The following ATP5F1E variants were observed in gnomAD, a reference collection of about 807,000 sequenced individuals.
ATP5F1E encodes the protein ATP synthase F1 subunit epsilon.
ATP5F1E carries 5 observed loss-of-function variants against 7.0 expected under a neutral mutation model. The observed-to-expected ratio is 0.71, with a 90% CI of 0.37 to 1.49. ATP5F1E has a LOEUF of 1.49. ATP5F1E is among the 40% of genes most tolerant of loss of function. The pLI, the probability that ATP5F1E is intolerant of heterozygous loss-of-function variation, is 0.03. For missense variants in ATP5F1E, 59 were observed against 57.1 expected (o/e 1.03, Z -0.11); for synonymous variants, 20 against 20.1 (o/e 0.99, Z 0.02).
intron 1 of ATP5F1E, among the ~76,000 whole-genome samples, chr20:59,031,152 AATTT>A (rs2092025485): frequency 6.6e-6 from 1 of 152,174 alleles, no homozygotes; most frequent in Admixed American, 6.5e-5. Context: ...CATGTTTTAG[AATTT>A]ATTTTGGGGA....
chr20:59,030,492 T>C, intron 1 of ATP5F1E, 63 bp from the exon 2 acceptor site: 2 of 1,598,296 alleles, frequency 1.3e-6, no homozygotes, highest in Admixed American at 1.7e-5. Context: ...CAGCTGTTAC[T>C]GTGTTTTCGC....
chr20:59,031,192 G>T (rs748280240), intron 1 of ATP5F1E, among the ~76,000 whole-genome samples: 1 of 152,174 alleles, frequency 6.6e-6, no homozygotes, highest in Non-Finnish European at 1.5e-5. Flanking sequence ...TCCAATGCCT[G>T]CTTCCATTCT....
At chr20:59,028,913 A>T (rs563622519) in intron 2 of ATP5F1E, 72 bp from the exon 3 acceptor site, 1 of 165,900 alleles carries the variant, frequency 6.0e-6, no homozygotes, top group Non-Finnish European at 1.5e-5. Context: ...CATGAATATA[A>T]GAAATAACTT....
chr20:59,030,001 T>C, intron 2 of ATP5F1E: 1 of 342,960 alleles, frequency 2.9e-6, no homozygotes, highest in Non-Finnish European at 5.6e-6. Context: ...AATTATTTGA[T>C]TTGTGCAGAC....
intron 1 of ATP5F1E, among the ~76,000 whole-genome samples, chr20:59,031,582 G>A (rs2092030177): frequency 6.6e-6 from 1 of 152,198 alleles, no homozygotes; most frequent in South Asian, 2.1e-4. Flanking sequence ...GTGACAGCTA[G>A]ACCAATGGTT....
At chr20:59,030,279 C>T in intron 2 of ATP5F1E, 24 bp downstream of exon 2, 1 of 1,611,878 alleles carries the variant, frequency 6.2e-7, no homozygotes, top group Non-Finnish European at 8.5e-7. Context: ...TGCAACTGTT[C>T]TTCTAAATAA....
At chr20:59,030,933 T>C (rs539242913) in intron 1 of ATP5F1E, among the ~76,000 whole-genome samples, 7 of 152,372 alleles carry the variant, frequency 4.6e-5, no homozygotes, top group Admixed American at 4.6e-4. Context: ...GAATTCTGTC[T>C]CACAAGTCTG....
Position 59,025,938 on chromosome 20 carries a change from A to G in ATP5F1E, c.*2907T>C, listed in dbSNP as rs1319314802. The G allele has an allele frequency of 6.6e-6, 1 of 152,224 alleles. No homozygotes were observed. The highest frequency in any genetic ancestry group is 1.9e-4 in the East Asian group (1 of 5,202). The allele number at this position is 152,224 out of a possible 1,614,324, so 9.4% of individuals were successfully genotyped here. On this transcript the variant is annotated 3_prime_UTR_variant, in exon 3 of 3. Transcript: ENST00000243997. ...GTAACTTCTTAATTACAGTTTACCT[A>G]TTTCTGACATGCAGCACTGCCATCT... is the stretch of plus-strand genomic sequence containing the variant.
Position 59,032,315 on chromosome 20 carries a change from G to A in ATP5F1E, c.-64C>T, listed in dbSNP as rs1394687947. The A allele has an allele frequency of 3.8e-6, 6 of 1,564,658 alleles. No individual in the cohort carries two copies. Among genetic ancestry groups the A allele is most frequent in the East Asian group, 4.7e-5 (2 of 42,826 alleles). ...AGACGCCGGCAATGTCGGCTCAGCCGGGCGGTTCAGCCGCAGGAAGATCAG... is the reference window on the plus strand; with the variant it reads ...AGACGCCGGCAATGTCGGCTCAGCCAGGCGGTTCAGCCGCAGGAAGATCAG... On this transcript the variant is annotated 5_prime_UTR_variant, in exon 1 of 3. Transcript: ENST00000243997.
In ATP5F1E at chr20:59,028,722, A is replaced by G. The variant is rs889148613; in HGVS notation, c.*123T>C. ...ATATTTCAATTTATTGACATTGTCA[A>G]TTTATGAACAAGACAGGATTTTTTT... On this transcript the variant is annotated 3_prime_UTR_variant, in exon 3 of 3. Coordinates refer to ENST00000243997, the MANE Select transcript of ATP5F1E (RefSeq NM_006886.4). 3 of 167,312 alleles carry G rather than the reference A, an allele frequency of 1.8e-5. No homozygotes were observed. The highest frequency in any genetic ancestry group is 4.4e-5 in the Non-Finnish European group (3 of 68,274). The allele number at this position is 167,312 out of a possible 1,614,324, so 10.4% of individuals were successfully genotyped here.
chr20:59,032,270 CTCG>C lies in ATP5F1E; in HGVS notation c.-22_-20del, dbSNP rs1568694373. 8 of 1,598,394 alleles carry C rather than the reference CTCG, an allele frequency of 5.0e-6. No homozygotes were observed. The highest frequency in any genetic ancestry group is 6.8e-6 in the Non-Finnish European group (8 of 1,172,988). On this transcript the variant is annotated 5_prime_UTR_variant, in exon 1 of 3. Transcript: ENST00000243997. ...CCACCATGCTGTAGCGAAAGCGGAG[CTCG>C]TCGGGCCGAATCGCCAAGACGCCGG...
At chr20:59,030,220 C>T (rs2092017159) in intron 2 of ATP5F1E, 83 bp downstream of exon 2, 1 of 1,558,208 alleles carries the variant, frequency 6.4e-7, no homozygotes, top group Non-Finnish European at 8.7e-7. Context: ...ATGAATAGAA[C>T]CCAAAACTAA....
rs1420129460 is a variant in ATP5F1E, at chr20:59,025,906, A to C, written c.*2939T>G. 6.6e-6 allele frequency: 1 copy of C among 152,266 alleles called. No homozygotes were observed. The highest frequency in any genetic ancestry group is 2.4e-5 in the African/African-American group (1 of 41,474). The allele number at this position is 152,266 out of a possible 1,614,324, so 9.4% of individuals were successfully genotyped here. ...ACCAAATACACAAGAGCGTAATCAA[A>C]TCATCTGTAACTTCTTAATTACAGT... On this transcript the variant is annotated 3_prime_UTR_variant, in exon 3 of 3. Coordinates refer to ENST00000243997, the MANE Select transcript of ATP5F1E (RefSeq NM_006886.4).
At chr20:59,030,544 T>C in intron 1 of ATP5F1E, 115 bp from the exon 2 acceptor site, 4 of 1,332,418 alleles carry the variant, frequency 3.0e-6, no homozygotes, top group Non-Finnish European at 4.2e-6. Context: ...TTGTACCTTA[T>C]TGTAGAATTG....
At chr20:59,031,213 G>C (rs1487028022) in intron 1 of ATP5F1E, among the ~76,000 whole-genome samples, 3 of 152,120 alleles carry the variant, frequency 2.0e-5, no homozygotes, top group Non-Finnish European at 2.9e-5. Flanking sequence ...TACTAACTGG[G>C]TGACCTTCAG....
At chr20:59,031,490 C>G (rs967618015) in intron 1 of ATP5F1E, among the ~76,000 whole-genome samples, 10 of 152,208 alleles carry the variant, frequency 6.6e-5, no homozygotes, top group African/African-American at 2.4e-4. Flanking sequence ...AAGTGCTACA[C>G]CATCCAGTCA....
In ATP5F1E at chr20:59,032,326, C is replaced by T. The variant is rs924587898; in HGVS notation, c.-75G>A. On this transcript the variant is annotated 5_prime_UTR_variant, in exon 1 of 3. Coordinates refer to ENST00000243997, the MANE Select transcript of ATP5F1E (RefSeq NM_006886.4). ...ATGTCGGCTCAGCCGGGCGGTTCAG[C>T]CGCAGGAAGATCAGACCACAGAAGC... The T allele has an allele frequency of 9.7e-6, 15 of 1,552,518 alleles. No individual in the cohort carries two copies. The highest frequency in any genetic ancestry group is 1.2e-5 in the Non-Finnish European group (14 of 1,145,678).
chr20:59,029,583 C>T (rs1952911558), intron 2 of ATP5F1E: 1 of 152,214 alleles, frequency 6.6e-6, no homozygotes, highest in Non-Finnish European at 1.5e-5. Flanking sequence ...GATAATTTGC[C>T]TTGCCTACTT....
In ATP5F1E at chr20:59,025,913, G is replaced by C. The variant is rs2091991838; in HGVS notation, c.*2932C>G. On this transcript the variant is annotated 3_prime_UTR_variant, in exon 3 of 3. Coordinates refer to ENST00000243997, the MANE Select transcript of ATP5F1E (RefSeq NM_006886.4). ...ACACAAGAGCGTAATCAAATCATCT[G>C]TAACTTCTTAATTACAGTTTACCTA... 1 of 152,238 alleles carries C rather than the reference G, an allele frequency of 6.6e-6. No homozygotes were observed. Among genetic ancestry groups the C allele is most frequent in the Admixed American group, 6.5e-5 (1 of 15,282 alleles). 9.4% of individuals were successfully genotyped at this position (152,238 alleles called of 1,614,324 possible).
Sources: allele counts gnomAD v4.1 joint callset (sites outside exome capture counted in the v4.1 genomes callset), GRCh38; gene constraint gnomAD v4.1.1; transcripts MANE v1.5; gene names NCBI Gene and HGNC (gene_info 2026-07-23, HGNC 2026-07-21).